MAPK10: variants seen among roughly 807,000 people sequenced by gnomAD.
The protein encoded by MAPK10 is mitogen-activated protein kinase 10.
A neutral mutation model predicts 59.3 loss-of-function variants in MAPK10; 25 were observed. That is an observed-to-expected ratio of 0.42 (90% confidence interval 0.31 to 0.59). The LOEUF is 0.59. MAPK10 is among the 20% of genes least tolerant of loss of function. MAPK10 has a pLI of 0.15. For missense variants in MAPK10, 351 were observed against 568.9 expected, an observed-to-expected ratio of 0.62 and a Z score of 3.90; for synonymous variants, 190 against 200.5, an observed-to-expected ratio of 0.95 and a Z score of 0.44.
intron 1 of MAPK10, among the ~76,000 whole-genome samples, chr4:86,479,143 T>G (rs1455962702): frequency 6.6e-6 from 1 of 152,138 alleles, no homozygotes; most frequent in South Asian, 2.1e-4. Flanking sequence ...GTCATTTCTT[T>G]CCTTCTGTCA....
chr4:86,048,873 A>G (rs915804709), intron 11 of MAPK10, among the ~76,000 whole-genome samples: 2 of 152,060 alleles, frequency 1.3e-5, no homozygotes, highest in African/African-American at 4.8e-5. Flanking sequence ...TTTTGTTACA[A>G]ATATTTATTT....
intron 2 of MAPK10, among the ~76,000 whole-genome samples, chr4:86,198,907 A>C (rs1260273127): frequency 6.6e-6 from 1 of 151,896 alleles, no homozygotes; most frequent in Non-Finnish European, 1.5e-5. Context: ...AATAAAACCC[A>C]AAAAATTGAA....
intron 1 of MAPK10, among the ~76,000 whole-genome samples, chr4:86,505,261 A>G (rs188867806): frequency 3.2e-4 from 49 of 152,266 alleles, no homozygotes; most frequent in Non-Finnish European, 2.5e-4. Context: ...ATCATGCAAT[A>G]TGCCCATATA....
At chr4:86,280,848 A>G (rs796191202) in intron 2 of MAPK10, among the ~76,000 whole-genome samples, 24 of 152,292 alleles carry the variant, frequency 1.6e-4, no homozygotes, top group African/African-American at 5.3e-4. Flanking sequence ...ACAGAAACAG[A>G]AAACCAAATA....
intron 2 of MAPK10, among the ~76,000 whole-genome samples, chr4:86,253,234 G>T (rs2148718157): frequency 3.4e-5 from 1 of 29,178 alleles, no homozygotes; most frequent in Admixed American, 3.9e-4. Context: ...GTGAGAGAGG[G>T]CATCCCTGTC....
At chr4:86,507,457 G>T (rs1405590892) in intron 1 of MAPK10, among the ~76,000 whole-genome samples, 7 of 150,668 alleles carry the variant, frequency 4.6e-5, no homozygotes. Context: ...TTACCTTTTG[G>T]CCTAGTGATT....
At chr4:86,384,532 A>G (rs1017174258) in intron 1 of MAPK10, among the ~76,000 whole-genome samples, 1 of 152,100 alleles carries the variant, frequency 6.6e-6, no homozygotes, top group Non-Finnish European at 1.5e-5. Flanking sequence ...CACTAGGACC[A>G]CTCTGGGAGC....
upstream of MAPK10, among the ~76,000 whole-genome samples, chr4:86,363,704 G>A (rs1737357734): frequency 6.6e-6 from 1 of 151,904 alleles, no homozygotes; most frequent in South Asian, 2.1e-4. Flanking sequence ...GTTGACTATA[G>A]TCACTCTGCT....
At position 86,572,283 on chromosome 4, in the gene MAPK10, A is replaced by G. The variant is rs1385544990; in HGVS notation, c.-263+21627T>C. Among the ~76,000 whole-genome samples, 2 of 152,178 alleles carry G rather than the reference A, an allele frequency of 1.3e-5. 1 individual carries two copies. Among genetic ancestry groups the G allele is most frequent in the Non-Finnish European group, 2.9e-5 (2 of 68,018 alleles). ...TAGGAAACAATGGGAATAAGAAAGG[A>G]TATCATAGGATTCCTTGCTCATTTG... On this transcript the variant is annotated intron_variant, in intron 1 of 4. Transcript: ENST00000502302.
intron 2 of MAPK10, among the ~76,000 whole-genome samples, chr4:86,301,202 A>G (rs571539912): frequency 6.6e-6 from 1 of 152,242 alleles, no homozygotes; most frequent in Non-Finnish European, 1.5e-5. Context: ...GGGGCGGGGC[A>G]GATGAAATTT....
At chr4:86,033,899 C>T (rs1364008348) in intron 11 of MAPK10, among the ~76,000 whole-genome samples, 1 of 152,288 alleles carries the variant, frequency 6.6e-6, no homozygotes, top group Non-Finnish European at 1.5e-5. Context: ...ACAACACACA[C>T]GTATAAGTGC....
intron 1 of MAPK10, among the ~76,000 whole-genome samples, chr4:86,462,044 C>T (rs371433263): frequency 1.6e-3 from 245 of 152,326 alleles, no homozygotes; most frequent in African/African-American, 5.5e-3. Flanking sequence ...GCATTTCCAG[C>T]TCAGGCCACT....
Position 86,089,365 on chromosome 4 carries a change from G to A in MAPK10, c.802+9159C>T. The A allele has an allele frequency of 3.5e-6, 3 of 854,432 alleles. No homozygotes were observed. The South Asian group carries it at 4.6e-5, about 13-fold the overall frequency. 52.9% of individuals were successfully genotyped at this position (854,432 alleles called of 1,614,324 possible). ...AACACTGGGCTACTCATGCCATAGA[G>A]CAATAGTCTGACTTTTCACTGACTG... On this transcript the variant is annotated intron_variant, in intron 9 of 13. Transcript: ENST00000641462.
intron 2 of MAPK10, among the ~76,000 whole-genome samples, chr4:86,302,301 CA>C (rs1170737436): frequency 6.6e-6 from 1 of 152,210 alleles, no homozygotes; most frequent in African/African-American, 2.4e-5. Flanking sequence ...GCAAAACGCT[CA>C]CTAGTTTTCT....
At chr4:86,262,186 T>C (rs994994473) in intron 2 of MAPK10, among the ~76,000 whole-genome samples, 2 of 152,232 alleles carry the variant, frequency 1.3e-5, no homozygotes, top group African/African-American at 4.8e-5. Context: ...TAGGTCACTA[T>C]AGCGGGAGTG....
intron 2 of MAPK10, among the ~76,000 whole-genome samples, chr4:86,249,520 C>G (rs945836392): frequency 3.9e-5 from 6 of 152,242 alleles, no homozygotes; most frequent in Non-Finnish European, 8.8e-5. Flanking sequence ...CCCCTTTTGT[C>G]AAAGGAAGCT....
At chr4:86,316,893 A>C (rs1220742651) in intron 2 of MAPK10, among the ~76,000 whole-genome samples, 1 of 135,916 alleles carries the variant, frequency 7.4e-6, no homozygotes, top group East Asian at 2.1e-4. Context: ...TTCAGATTTT[A>C]TCATTTTTCA....
chr4:86,426,530 C>A (rs1001033615), intron 1 of MAPK10, among the ~76,000 whole-genome samples: 1 of 152,130 alleles, frequency 6.6e-6, no homozygotes, highest in African/African-American at 2.4e-5. Context: ...CATTTAGATT[C>A]CGTCCTAAAA....
At chr4:86,067,610 A>G (rs1409334431) in intron 10 of MAPK10, among the ~76,000 whole-genome samples, 163 bp downstream of exon 10, 1 of 152,170 alleles carries the variant, frequency 6.6e-6, no homozygotes, top group Non-Finnish European at 1.5e-5. Flanking sequence ...ACCTCTATAC[A>G]TGTTTCAAAA....
Sources: allele counts gnomAD v4.1 joint callset (sites outside exome capture counted in the v4.1 genomes callset), GRCh38; gene constraint gnomAD v4.1.1; transcripts MANE v1.5; gene names NCBI Gene and HGNC (gene_info 2026-07-23, HGNC 2026-07-21).